FRAS1: variants seen among roughly 807,000 people sequenced by gnomAD.
FRAS1 encodes the protein extracellular matrix organizing protein FRAS1.
In FRAS1, 290 loss-of-function variants were observed where a neutral mutation model predicts 435.2. The ratio of observed to expected loss-of-function variants is 0.67; its 90% CI spans 0.61 to 0.73. The LOEUF is 0.73. Among genes scored for constraint, FRAS1 ranks in the 30% least tolerant of loss-of-function variants. The probability of loss-of-function intolerance (pLI) is 0.00; values close to 1 mark genes in which losing one functional copy is unlikely to be tolerated. For missense variants in FRAS1, 4,860 were observed against 5,001.5 expected (o/e 0.97, Z 0.85); for synonymous variants, 1,800 against 1,851.0 (o/e 0.97, Z 0.71).
In FRAS1 at chr4:78,439,030, C is replaced by T. The variant is rs1734548371; in HGVS notation, c.5495C>T (p.Pro1832Leu). The part of the protein sequence containing the change: ...FTIMITPAEN[P>L]PPVIAFADLI... ...ATCATGATCACTCCTGCTGAAAATC[C>T]ACCTCCAGTCATTGCTTTTGCTGAC... Residue 1832 changes from proline to leucine, a missense_variant, in exon 40 of 74, where the codon CCA (proline) becomes CTA (leucine). Transcript: ENST00000512123. 1 of 1,613,524 alleles carries T rather than the reference C, an allele frequency of 6.2e-7. No individual in the cohort carries two copies. The highest frequency in any genetic ancestry group is 1.1e-5 in the South Asian group (1 of 91,038).
chr4:78,470,111 C>CA lies in FRAS1; in HGVS notation c.7371+21dup. ...GGCAAGGTAAGGCCTGTCCCTCTGTCATGTTCACACCACCCAACTTGGGCT... is the reference window on the plus strand; with the variant it reads ...GGCAAGGTAAGGCCTGTCCCTCTGTCAATGTTCACACCACCCAACTTGGGCT... On this transcript the variant is annotated intron_variant, in intron 51 of 73. Coordinates refer to ENST00000512123, the MANE Select transcript of FRAS1 (RefSeq NM_025074.7). 6.7e-7 allele frequency: 1 copy of CA among 1,499,466 alleles called. No homozygotes were observed. The highest frequency in any genetic ancestry group is 9.3e-7 in the Non-Finnish European group (1 of 1,079,460). The allele number at this position is 1,499,466 out of a possible 1,614,324, so 92.9% of individuals were successfully genotyped here. A position where few individuals can be genotyped will look rare whatever the true frequency, so the allele number is the denominator to read the frequency against.
intron 41 of FRAS1, among the ~76,000 whole-genome samples, chr4:78,441,803 A>G (rs1471935903): frequency 6.6e-6 from 1 of 152,198 alleles, no homozygotes; most frequent in Non-Finnish European, 1.5e-5. Flanking sequence ...CTCCTTCTAC[A>G]TATATGATAT....
chr4:78,119,064 TA>T (rs1383453959), intron 2 of FRAS1, among the ~76,000 whole-genome samples: 7 of 152,292 alleles, frequency 4.6e-5, no homozygotes, highest in African/African-American at 7.2e-5. Flanking sequence ...CATGTTCTTT[TA>T]AAAAAATAAT....
At position 78,384,638 on chromosome 4, in the gene FRAS1, A is replaced by G. The variant is rs544181200; in HGVS notation, c.3648+495A>G. Among the ~76,000 whole-genome samples the G allele has an allele frequency of 9.2e-5, 14 of 152,218 alleles. No homozygotes were observed. In the East Asian group the frequency reaches 2.3e-3, roughly 25 times the overall value. On this transcript the variant is annotated intron_variant, in intron 28 of 73. Transcript: ENST00000512123. ...GCAGGGTGCAGTGGCTCATGCCTAT[A>G]ATCTCAGCACTTTGGGAGGCTGAGG...
chr4:78,412,415 C>G (rs1167984843), intron 31 of FRAS1, among the ~76,000 whole-genome samples: 1 of 152,156 alleles, frequency 6.6e-6, no homozygotes, highest in African/African-American at 2.4e-5. Flanking sequence ...ATTTTGTGAC[C>G]ATTACAGTAA....
chr4:78,177,598 T>C (rs1356232810), intron 2 of FRAS1, among the ~76,000 whole-genome samples: 3 of 152,174 alleles, frequency 2.0e-5, no homozygotes, highest in Non-Finnish European at 4.4e-5. Flanking sequence ...AGTCTCTGGG[T>C]CCTGAATCAC....
intron 59 of FRAS1, among the ~76,000 whole-genome samples, chr4:78,489,975 A>AAAAAC (rs1298533337): frequency 1.3e-5 from 2 of 150,178 alleles, no homozygotes; most frequent in Non-Finnish European, 3.0e-5. Context: ...AAACAAAAAA[A>AAAAAC]AAAAAAAAAA....
At chr4:78,428,338 T>TG (rs1734071990) in intron 35 of FRAS1, among the ~76,000 whole-genome samples, 1 of 152,080 alleles carries the variant, frequency 6.6e-6, no homozygotes, top group Admixed American at 6.5e-5. Context: ...TCTTTTTTTT[T>TG]TTGAGACGAA....
chr4:78,112,983 C>G (rs1022396263), intron 2 of FRAS1, among the ~76,000 whole-genome samples: 1 of 152,116 alleles, frequency 6.6e-6, no homozygotes, highest in Non-Finnish European at 1.5e-5. Flanking sequence ...CCCGCTCCCT[C>G]CACCCCACAA....
rs1718847037 is a variant in FRAS1, at chr4:78,446,807, T to C, written c.5937T>C (p.Ser1979=). The C allele has an allele frequency of 6.2e-7, 1 of 1,613,200 alleles. No homozygotes were observed. Among genetic ancestry groups the C allele is most frequent in the Non-Finnish European group, 8.5e-7 (1 of 1,179,690 alleles). The change falls in exon 43 of 74, where the codon TCT becomes TCC. Residue 1979 remains serine, a synonymous_variant. Coordinates refer to ENST00000512123, the MANE Select transcript of FRAS1 (RefSeq NM_025074.7). The part of the protein sequence containing the change: ...QLSSGVVISN[S]SLSLQDLDTP... ...GCTCGGGAGTGGTGATAAGCAATTC[T>C]TCTTTGAGCCTGCAAGACCTGGACA...
chr4:78,313,161 T>C (rs1215187878), intron 15 of FRAS1, among the ~76,000 whole-genome samples: 1 of 152,176 alleles, frequency 6.6e-6, no homozygotes, highest in Non-Finnish European at 1.5e-5. Flanking sequence ...AGTTCTAGAA[T>C]TGGAAACCTC....
intron 66 of FRAS1, among the ~76,000 whole-genome samples, chr4:78,519,124 G>C (rs1251862342): frequency 6.6e-6 from 1 of 152,178 alleles, no homozygotes; most frequent in Non-Finnish European, 1.5e-5. Flanking sequence ...ACGTGACCCT[G>C]TCGAAAGAAG....
chr4:78,424,402 G>T lies in FRAS1; in HGVS notation c.4693G>T (p.Val1565Leu), dbSNP rs1733918263. 1 of 1,467,556 alleles carries T rather than the reference G, an allele frequency of 6.8e-7. No homozygotes were observed. The highest frequency in any genetic ancestry group is 9.1e-7 in the Non-Finnish European group (1 of 1,101,488). The allele number at this position is 1,467,556 out of a possible 1,614,324, so 90.9% of individuals were successfully genotyped here. A position where few individuals can be genotyped will look rare whatever the true frequency, so the allele number is the denominator to read the frequency against. ...TACTCTTTTAGGTCTCCCAGAATCAGTGAAATTCCACTTCACAGGTAAAGA... is the reference window on the plus strand; with the variant it reads ...TACTCTTTTAGGTCTCCCAGAATCATTGAAATTCCACTTCACAGGTAAAGA... ...AFSFAGLPES[V>L]KFHFTVSDGE... The change falls in exon 35 of 74, where the codon GTG becomes TTG. Residue 1565 changes from valine to leucine, a missense_variant. Transcript: ENST00000512123.
intron 58 of FRAS1, among the ~76,000 whole-genome samples, chr4:78,483,791 T>C (rs1472960636): frequency 1.7e-5 from 2 of 120,280 alleles, no homozygotes; most frequent in African/African-American, 6.2e-5. Context: ...TCTATATATA[T>C]ATATATAAAA....
At chr4:78,264,783 T>C (rs1330060384) in intron 6 of FRAS1, 2 of 563,624 alleles carry the variant, frequency 3.5e-6, no homozygotes, top group Non-Finnish European at 6.5e-6. Context: ...TTATTTGTGC[T>C]TTTCTTTGTT....
intron 2 of FRAS1, among the ~76,000 whole-genome samples, chr4:78,192,767 T>C (rs997647490): frequency 1.3e-5 from 2 of 152,214 alleles, no homozygotes; most frequent in South Asian, 2.1e-4. Flanking sequence ...TGTGTCTCTA[T>C]TTCCTTCAGT....
At chr4:78,198,507 G>T (rs894109970) in intron 2 of FRAS1, among the ~76,000 whole-genome samples, 1 of 152,204 alleles carries the variant, frequency 6.6e-6, no homozygotes, top group Non-Finnish European at 1.5e-5. Context: ...GAAAAAGAAA[G>T]AAAGAGTGTA....
At chr4:78,273,956 G>A (rs140715172) in intron 9 of FRAS1, among the ~76,000 whole-genome samples, 4,744 of 152,066 alleles carry the variant, frequency 0.031, 254 homozygotes, top group African/African-American at 0.11. Flanking sequence ...GACTTTTTTT[G>A]GTTGGTAGGC....
chr4:78,430,597 T>C (rs1003285022), intron 37 of FRAS1, among the ~76,000 whole-genome samples, 180 bp downstream of exon 37: 2 of 152,144 alleles, frequency 1.3e-5, no homozygotes, highest in African/African-American at 4.8e-5. Context: ...CCCACTTCCA[T>C]CCCTGCCCCA....
Sources: gnomAD v4.1 joint callset for allele counts (sites outside exome capture counted in the v4.1 genomes callset) on GRCh38, gnomAD v4.1.1 for gene constraint, MANE v1.5 for transcripts, NCBI Gene and HGNC (gene_info 2026-07-23, HGNC 2026-07-21) for gene names.